The following CCDC178 variants were observed in gnomAD, a reference collection of about 807,000 sequenced individuals.
CCDC178 encodes the protein coiled-coil domain containing 178.
CCDC178 carries 126 observed loss-of-function variants against 117.4 expected under a neutral mutation model. The ratio of observed to expected loss-of-function variants is 1.07; its 90% confidence interval spans 0.93 to 1.24. The LOEUF (loss-of-function observed/expected upper bound fraction) is 1.24. CCDC178 is among the 50% of genes most tolerant of loss of function. The pLI, the probability that CCDC178 is intolerant of heterozygous loss-of-function variation, is 0.00. For missense variants in CCDC178, 1,030 were observed against 986.9 expected, an observed-to-expected ratio of 1.04 and a Z score of -0.59; for synonymous variants, 283 against 313.4, an observed-to-expected ratio of 0.90 and a Z score of 1.02.
At chr18:32,942,398 T>G (rs2054258777) in intron 22 of CCDC178, among the ~76,000 whole-genome samples, 1 of 152,088 alleles carries the variant, frequency 6.6e-6, no homozygotes, top group African/African-American at 2.4e-5. Context: ...TAAATCTTCT[T>G]TTACAGTTGA....
At chr18:33,419,849 G>A (rs2063999601) in intron 2 of CCDC178, among the ~76,000 whole-genome samples, 1 of 151,894 alleles carries the variant, frequency 6.6e-6, no homozygotes, top group South Asian at 2.1e-4. Context: ...GTGGAAAGCA[G>A]TTGGATGATT....
intron 21 of CCDC178, among the ~76,000 whole-genome samples, chr18:33,011,827 G>A (rs545940499): frequency 8.2e-6 from 1 of 122,450 alleles, no homozygotes; most frequent in South Asian, 2.9e-4. Flanking sequence ...GAAGTGATGA[G>A]TCTCCTGGGC....
chr18:33,143,551 T>G (rs982096004), intron 20 of CCDC178, among the ~76,000 whole-genome samples: 1 of 152,104 alleles, frequency 6.6e-6, no homozygotes, highest in Non-Finnish European at 1.5e-5. Flanking sequence ...AGCTTCAACT[T>G]TGGTAGGATT....
chr18:33,151,331 T>A (rs1318754752), intron 20 of CCDC178, among the ~76,000 whole-genome samples: 2 of 152,086 alleles, frequency 1.3e-5, no homozygotes, highest in East Asian at 3.8e-4. Flanking sequence ...AAAATACATA[T>A]CTACAGTCTT....
intron 5 of CCDC178, among the ~76,000 whole-genome samples, chr18:33,372,635 A>C (rs1247023017): frequency 1.3e-5 from 2 of 152,102 alleles, no homozygotes; most frequent in Admixed American, 6.6e-5. Flanking sequence ...ATAAAAGACA[A>C]GATCCTCCTG....
chr18:33,132,430 GT>G (rs1456612574), intron 20 of CCDC178, among the ~76,000 whole-genome samples: 1 of 151,474 alleles, frequency 6.6e-6, no homozygotes, highest in African/African-American at 2.4e-5. Context: ...ATATTACGTT[GT>G]TTTTTCTTTT....
At chr18:33,150,573 G>A (rs2058329716) in intron 20 of CCDC178, among the ~76,000 whole-genome samples, 1 of 152,134 alleles carries the variant, frequency 6.6e-6, no homozygotes, top group African/African-American at 2.4e-5. Flanking sequence ...GACATGAATA[G>A]CCAATTATCA....
chr18:32,989,039 G>C, intron 21 of CCDC178, among the ~76,000 whole-genome samples: 1 of 152,030 alleles, frequency 6.6e-6, no homozygotes, highest in East Asian at 1.9e-4. Flanking sequence ...AAGTTTTAAA[G>C]ACACAGTTTC....
intron 20 of CCDC178, among the ~76,000 whole-genome samples, chr18:33,127,797 T>C (rs1159421737): frequency 1.3e-5 from 2 of 152,136 alleles, no homozygotes; most frequent in African/African-American, 4.8e-5. Context: ...GTTTACAAAT[T>C]TAGTAGTCAA....
intron 20 of CCDC178, among the ~76,000 whole-genome samples, chr18:33,131,361 T>C (rs1162472099): frequency 6.6e-6 from 1 of 151,678 alleles, no homozygotes; most frequent in Non-Finnish European, 1.5e-5. Flanking sequence ...TGAATACTTG[T>C]TCGTTATAAA....
At chr18:33,240,931 T>A (rs1033959613) in intron 15 of CCDC178, among the ~76,000 whole-genome samples, 2 of 151,608 alleles carry the variant, frequency 1.3e-5, no homozygotes, top group Non-Finnish European at 3.0e-5. Context: ...TGTATGAAAA[T>A]AGAGGCAATA....
intron 21 of CCDC178, among the ~76,000 whole-genome samples, chr18:33,036,912 T>A (rs1315417374): frequency 4.0e-5 from 6 of 151,810 alleles, no homozygotes; most frequent in Non-Finnish European, 8.8e-5. Context: ...AGAGAGACAA[T>A]AGATTCAAAA....
At chr18:33,377,120 T>C (rs1388539635) in intron 5 of CCDC178, among the ~76,000 whole-genome samples, 1 of 152,224 alleles carries the variant, frequency 6.6e-6, no homozygotes, top group Non-Finnish European at 1.5e-5. Flanking sequence ...TCTGTTGTTT[T>C]TGGCTTTTTA....
Position 32,988,812 on chromosome 18 carries a change from AG to A in CCDC178, c.2389-14132del, listed in dbSNP as rs1274057481. The stretch of plus-strand genomic sequence containing the variant: ...CAAAAGAAAAATTGATAAACATAGT[AG>A]AAATTAAAATTGTTAAGATAATACT... On this transcript the variant is annotated intron_variant, in intron 21 of 22. Coordinates refer to ENST00000383096, the MANE Select transcript of CCDC178 (RefSeq NM_001105528.4). Among the ~76,000 whole-genome samples the A allele has an allele frequency of 7.2e-5, 11 of 152,204 alleles. No individual in the cohort carries two copies. The East Asian group carries it at 1.9e-3, about 27-fold the overall frequency.
At chr18:33,267,096 T>C in intron 13 of CCDC178, 44 bp from the exon 14 acceptor site, 1 of 1,546,388 alleles carries the variant, frequency 6.5e-7, no homozygotes. Context: ...TGTCTAATTA[T>C]CAAAAGGCAA....
chr18:33,377,365 T>G (rs1384230644), intron 5 of CCDC178, among the ~76,000 whole-genome samples: 2 of 151,972 alleles, frequency 1.3e-5, no homozygotes, highest in Non-Finnish European at 2.9e-5. Flanking sequence ...ATGCATAGTT[T>G]GTGAATATTT....
chr18:33,386,315 C>T (rs2063491421), intron 5 of CCDC178, among the ~76,000 whole-genome samples: 1 of 152,030 alleles, frequency 6.6e-6, no homozygotes, highest in East Asian at 1.9e-4. Context: ...GAAACTATTC[C>T]AAACAATTGA....
chr18:33,322,440 T>G (rs934411812), intron 11 of CCDC178, among the ~76,000 whole-genome samples: 1 of 151,856 alleles, frequency 6.6e-6, no homozygotes, highest in Non-Finnish European at 1.5e-5. Context: ...GAATGAATGT[T>G]ATTCTCAATT....
chr18:33,389,551 G>T lies in CCDC178; in HGVS notation c.197C>A (p.Thr66Lys). Residue 66 changes from threonine (T) to lysine (K), a missense_variant, in exon 5 of 23, where the codon ACA (threonine) becomes AAA (lysine). Physicochemically the swap from Thr to Lys is moderately conservative, Grantham distance 78. Coordinates refer to ENST00000383096, the MANE Select transcript of CCDC178 (RefSeq NM_001105528.4). Reference protein sequence around the residue: ...NSEGFHESKMTNTEGVNKGIY... With the variant: ...NSEGFHESKMKNTEGVNKGIY... ...CATTCAGTCCTCACCTTCAGTATTT[G>T]TCATTTTACTTTCATGAAAACCTTC... 6.6e-7 allele frequency: 1 copy of T among 1,505,216 alleles called. No homozygotes were observed. Among genetic ancestry groups the T allele is most frequent in the Non-Finnish European group, 8.9e-7 (1 of 1,122,992 alleles). The allele number at this position is 1,505,216 out of a possible 1,614,324, so 93.2% of individuals were successfully genotyped here.
Sources: allele counts gnomAD v4.1 joint callset (sites outside exome capture counted in the v4.1 genomes callset), GRCh38; gene constraint gnomAD v4.1.1; transcripts MANE v1.5; gene names NCBI Gene and HGNC (gene_info 2026-07-23, HGNC 2026-07-21).